Variants in C8orf34 observed in about 807,000 individuals in gnomAD.
C8orf34 encodes the protein uncharacterized protein C8orf34.
A neutral mutation model predicts 68.3 loss-of-function variants in C8orf34; 65 were observed. That is an observed-to-expected ratio of 0.95 (90% CI 0.78 to 1.17). C8orf34 has a LOEUF of 1.17. Ranked by LOEUF, C8orf34 falls within the 50% of genes most tolerant of loss-of-function variation. The pLI, the probability that C8orf34 is intolerant of heterozygous loss-of-function variation, is 0.00. For missense variants in C8orf34, 664 were observed against 655.4 expected, an observed-to-expected ratio of 1.01 and a Z score of -0.14; for synonymous variants, 244 against 241.2, an observed-to-expected ratio of 1.01 and a Z score of -0.11.
intron 12 of C8orf34, among the ~76,000 whole-genome samples, chr8:68,796,562 A>G (rs1473523949): frequency 6.6e-6 from 1 of 152,236 alleles, no homozygotes; most frequent in Non-Finnish European, 1.5e-5. Context: ...TGAGAAATTC[A>G]TAATTGTAAG....
At chr8:68,531,327 T>C (rs1367185791) in intron 6 of C8orf34, among the ~76,000 whole-genome samples, 1 of 152,158 alleles carries the variant, frequency 6.6e-6, no homozygotes, top group Admixed American at 6.6e-5. Context: ...AAAGATCATG[T>C]GTGGAATCTA....
At chr8:68,607,831 G>A (rs749759362) in intron 7 of C8orf34, among the ~76,000 whole-genome samples, 1 of 152,078 alleles carries the variant, frequency 6.6e-6, no homozygotes, top group Non-Finnish European at 1.5e-5. Context: ...GGTAGCATAT[G>A]TGTGTAGTCT....
chr8:68,412,187 G>A (rs2249536), intron 1 of C8orf34, among the ~76,000 whole-genome samples: 74,425 of 151,918 alleles, frequency 0.49, 18,598 homozygotes, highest in Non-Finnish European at 0.56. Flanking sequence ...TATAGTAGCC[G>A]GAACAGACTA....
chr8:68,606,730 G>A (rs1468659349), intron 7 of C8orf34, among the ~76,000 whole-genome samples: 2 of 151,698 alleles, frequency 1.3e-5, no homozygotes, highest in Non-Finnish European at 2.9e-5. Flanking sequence ...TTTTTTTTGT[G>A]GAATGGGTGG....
intron 4 of C8orf34, among the ~76,000 whole-genome samples, chr8:68,484,605 A>G (rs999619689): frequency 2.0e-5 from 3 of 152,218 alleles, no homozygotes; most frequent in Non-Finnish European, 4.4e-5. Flanking sequence ...ATACCTTTTA[A>G]AAGTTAATAA....
intron 10 of C8orf34, among the ~76,000 whole-genome samples, chr8:68,764,203 A>G (rs919061224): frequency 1.3e-5 from 2 of 152,234 alleles, no homozygotes; most frequent in African/African-American, 4.8e-5. Flanking sequence ...AGATAGAGTT[A>G]GAGGTTAGCA....
chr8:68,405,019 T>G (rs191415997), intron 1 of C8orf34, among the ~76,000 whole-genome samples: 2 of 152,348 alleles, frequency 1.3e-5, no homozygotes, highest in East Asian at 3.9e-4. Flanking sequence ...TTTTTCCATT[T>G]GTTTGTGTCC....
intron 12 of C8orf34, among the ~76,000 whole-genome samples, chr8:68,788,184 T>C (rs1348230552): frequency 1.3e-5 from 2 of 152,176 alleles, no homozygotes; most frequent in Non-Finnish European, 2.9e-5. Flanking sequence ...GTGGTAGCCC[T>C]CAGAGAAAAA....
At chr8:68,422,234 T>G (rs1810011464) in intron 1 of C8orf34, among the ~76,000 whole-genome samples, 1 of 152,152 alleles carries the variant, frequency 6.6e-6, no homozygotes, top group Non-Finnish European at 1.5e-5. Flanking sequence ...GTCCAAAGTC[T>G]CATGTGAGAC....
At chr8:68,705,842 T>C (rs889686363) in intron 8 of C8orf34, among the ~76,000 whole-genome samples, 12 of 151,870 alleles carry the variant, frequency 7.9e-5, no homozygotes, top group Admixed American at 7.9e-4. Context: ...GTGGATAAAA[T>C]AGGTTGATGA....
chr8:68,347,214 T>C (rs1806321026), intron 1 of C8orf34, among the ~76,000 whole-genome samples: 1 of 152,092 alleles, frequency 6.6e-6, no homozygotes, highest in South Asian at 2.1e-4. Context: ...ACATGTGGTA[T>C]TTGGTTTTCT....
chr8:68,720,626 T>A (rs930191040), intron 9 of C8orf34, among the ~76,000 whole-genome samples: 4 of 151,778 alleles, frequency 2.6e-5, no homozygotes, highest in African/African-American at 9.7e-5. Flanking sequence ...AAGAAGGAGT[T>A]CAAACTCAAC....
chr8:68,777,568 C>A (rs572463434), intron 11 of C8orf34, among the ~76,000 whole-genome samples: 2 of 152,142 alleles, frequency 1.3e-5, no homozygotes, highest in Admixed American at 6.5e-5. Flanking sequence ...CTGCCATCAT[C>A]GGGGGCTTGT....
At chr8:68,524,303 G>C (rs987450862) in intron 6 of C8orf34, among the ~76,000 whole-genome samples, 5 of 152,160 alleles carry the variant, frequency 3.3e-5, no homozygotes, top group African/African-American at 1.2e-4. Context: ...ATGATGTACT[G>C]TATGTGAACT....
At chr8:68,604,788 C>T (rs183404034) in intron 7 of C8orf34, among the ~76,000 whole-genome samples, 20 of 152,104 alleles carry the variant, frequency 1.3e-4, no homozygotes, top group African/African-American at 4.3e-4. Context: ...TAGATCACCT[C>T]GAGTTTGGTG....
chr8:68,632,264 T>C (rs1818712116), intron 7 of C8orf34, among the ~76,000 whole-genome samples: 1 of 152,148 alleles, frequency 6.6e-6, no homozygotes, highest in Non-Finnish European at 1.5e-5. Flanking sequence ...GGCATTTTGC[T>C]CCCACCCTAG....
At chr8:68,388,599 G>A (rs1808356862) in intron 1 of C8orf34, among the ~76,000 whole-genome samples, 1 of 152,072 alleles carries the variant, frequency 6.6e-6, no homozygotes, top group East Asian at 1.9e-4. Flanking sequence ...AGGCAATATG[G>A]CATCATGATA....
chr8:68,340,525 A>G (rs1165395155), intron 1 of C8orf34, among the ~76,000 whole-genome samples: 1 of 152,196 alleles, frequency 6.6e-6, no homozygotes, highest in African/African-American at 2.4e-5. Flanking sequence ...GCAGACATCA[A>G]AAGAATAATA....
At chr8:68,602,762 T>G (rs1817736719) in intron 7 of C8orf34, among the ~76,000 whole-genome samples, 1 of 152,072 alleles carries the variant, frequency 6.6e-6, no homozygotes, top group African/African-American at 2.4e-5. Context: ...GACATCACTC[T>G]GGTGCTGAAT....
Sources: allele counts gnomAD v4.1 joint callset (sites outside exome capture counted in the v4.1 genomes callset), GRCh38; gene constraint gnomAD v4.1.1; transcripts MANE v1.5; gene names NCBI Gene and HGNC (gene_info 2026-07-23, HGNC 2026-07-21).